DNAJA3: variants seen among roughly 807,000 people sequenced by gnomAD.
DNAJA3 encodes DnaJ heat shock protein family (Hsp40) member A3.
Under a neutral mutation model 54.9 loss-of-function variants are expected in DNAJA3, and 29 were observed. The observed-to-expected ratio is 0.53, with a 90% CI of 0.39 to 0.72. The LOEUF (loss-of-function observed/expected upper bound fraction) is 0.72, where lower values mean the gene tolerates loss of function less well. Among genes scored for constraint, DNAJA3 ranks in the 30% least tolerant of loss-of-function variants. DNAJA3 has a pLI of 0.00. For synonymous variants in DNAJA3, 302 were observed against 251.4 expected, an observed-to-expected ratio of 1.20 and a Z score of -1.90; for missense variants, 708 against 639.4, an observed-to-expected ratio of 1.11 and a Z score of -1.16.
At chr16:4,441,305 G>T (rs1378466441) in intron 3 of DNAJA3, 70 bp from the exon 4 acceptor site, 1 of 1,415,538 alleles carries the variant, frequency 7.1e-7, no homozygotes, top group Non-Finnish European at 9.7e-7. Flanking sequence ...CTTATTTGCT[G>T]TGAACTCTTG....
intron 1 of DNAJA3, chr16:4,431,713 G>A (rs897782123): frequency 1.3e-5 from 2 of 152,134 alleles, no homozygotes; most frequent in Admixed American, 1.3e-4. Flanking sequence ...AAGTAGCTGG[G>A]ATTACAGGCG....
chr16:4,456,246 C>T lies in DNAJA3; in HGVS notation c.*714C>T, dbSNP rs1196623396. The stretch of plus-strand genomic sequence containing the variant: ...CACCCCATCCGGGATGGCCGCCTGT[C>T]CCTGACTATTGAGTCCTGTTGTTGT... On this transcript the variant is annotated 3_prime_UTR_variant, in exon 12 of 12. Transcript: ENST00000262375. The T allele has an allele frequency of 6.5e-6, 1 of 152,782 alleles. No homozygotes were observed. The highest frequency in any genetic ancestry group is 1.5e-5 in the Non-Finnish European group (1 of 68,512). 9.5% of individuals were successfully genotyped at this position (152,782 alleles called of 1,614,324 possible).
intron 4 of DNAJA3, among the ~76,000 whole-genome samples, chr16:4,441,928 A>G (rs2056841394): frequency 6.6e-6 from 1 of 152,208 alleles, no homozygotes; most frequent in Non-Finnish European, 1.5e-5. Flanking sequence ...AGACACTGTC[A>G]GAGTGGAAGA....
At chr16:4,433,844 A>G (rs1032366839) in intron 1 of DNAJA3, 1 of 155,044 alleles carries the variant, frequency 6.4e-6, no homozygotes. Flanking sequence ...ATACTCTGAC[A>G]TAGTTTAATA....
intron 10 of DNAJA3, among the ~76,000 whole-genome samples, chr16:4,454,405 C>T (rs1169149983): frequency 6.6e-6 from 1 of 152,194 alleles, no homozygotes; most frequent in Non-Finnish European, 1.5e-5. Flanking sequence ...ACCCTGTAAC[C>T]TCTCTGTGCC....
At chr16:4,449,204 G>T (rs1317516548) in intron 9 of DNAJA3, among the ~76,000 whole-genome samples, 2 of 151,618 alleles carry the variant, frequency 1.3e-5, no homozygotes, top group Non-Finnish European at 2.9e-5. Context: ...CACCGTGTTA[G>T]CCAGAGTGGC....
chr16:4,445,245 C>T (rs1294913510), intron 7 of DNAJA3, among the ~76,000 whole-genome samples: 2 of 152,196 alleles, frequency 1.3e-5, no homozygotes, highest in Non-Finnish European at 2.9e-5. Context: ...AAGAGAATGG[C>T]TCAGTGAGCC....
rs527805684 is a variant in DNAJA3 at position 4,445,255 on chromosome 16, C to T, written c.996+527C>T. Among the ~76,000 whole-genome samples, 9 of 152,284 alleles carry T rather than the reference C, an allele frequency of 5.9e-5. No homozygotes were observed. The South Asian group carries it at 6.2e-4, about 11-fold the overall frequency. ...CCAACAAGAGAATGGCTCAGTGAGC[C>T]GTGGTGGTCAGAGGCTGCTGCAGGG... On this transcript the variant is annotated intron_variant, in intron 7 of 11. Coordinates refer to ENST00000262375, the MANE Select transcript of DNAJA3 (RefSeq NM_005147.6).
intron 1 of DNAJA3, among the ~76,000 whole-genome samples, chr16:4,428,765 G>C (rs1478322462): frequency 6.6e-6 from 1 of 152,182 alleles, no homozygotes; most frequent in Non-Finnish European, 1.5e-5. Flanking sequence ...TGGTTGGGCG[G>C]GGTGGCTCAC....
Position 4,434,481 on chromosome 16 carries a change from T to C in DNAJA3, c.309T>C (p.Asn103=). 1 of 1,614,040 alleles carries C rather than the reference T, an allele frequency of 6.2e-7. No individual in the cohort carries two copies. The change falls in exon 2 of 12, where the codon AAT becomes AAC. Residue 103 remains asparagine (N), a synonymous_variant. Transcript: ENST00000262375. ...ATCAGATATTAGGAGTGCCTCGAAA[T>C]GCCAGCCAGAAAGAGATCAAGAAAG... ...DYYQILGVPR[N]ASQKEIKKAY...
chr16:4,454,723 G>A lies in DNAJA3; in HGVS notation c.1340-88G>A, dbSNP rs576201129. On this transcript the variant is annotated intron_variant, in intron 10 of 11. Transcript: ENST00000262375. ...GCCGCTTCTTGAACGTGGGCCCCTG[G>A]GTGGCCAGGCGGGGGTAGGTGGGCC... is the stretch of plus-strand genomic sequence containing the variant. The A allele has an allele frequency of 4.6e-5, 44 of 951,326 alleles. No homozygotes were observed. In the African/African-American group the frequency reaches 6.6e-4, roughly 14 times the overall value. The allele number at this position is 951,326 out of a possible 1,614,324, so 58.9% of individuals were successfully genotyped here.
chr16:4,444,796 G>A, intron 7 of DNAJA3, 68 bp downstream of exon 7: 2 of 1,385,774 alleles, frequency 1.4e-6, no homozygotes, highest in Non-Finnish European at 2.0e-6. Flanking sequence ...GGCTGAGGCT[G>A]CTCCCATGTA....
chr16:4,444,000 T>G (rs1289653205), intron 6 of DNAJA3, among the ~76,000 whole-genome samples: 1 of 152,118 alleles, frequency 6.6e-6, no homozygotes, highest in East Asian at 1.9e-4. Context: ...TTACTGTTGT[T>G]TAGATGTCTG....
At chr16:4,453,903 A>G (rs1339135582) in intron 10 of DNAJA3, among the ~76,000 whole-genome samples, 1 of 152,190 alleles carries the variant, frequency 6.6e-6, no homozygotes, top group Non-Finnish European at 1.5e-5. Context: ...TGAGCACATT[A>G]AAAATGAGCT....
intron 9 of DNAJA3, among the ~76,000 whole-genome samples, chr16:4,449,253 C>T (rs1233459869): frequency 6.6e-6 from 1 of 152,240 alleles, no homozygotes; most frequent in African/African-American, 2.4e-5. Flanking sequence ...ACCTTGGCCT[C>T]CCAAAGTGTT....
intron 1 of DNAJA3, among the ~76,000 whole-genome samples, chr16:4,430,337 T>C (rs756066069): frequency 7.8e-4 from 118 of 151,484 alleles, no homozygotes; most frequent in African/African-American, 2.8e-3. Context: ...GGAGGTGGGT[T>C]GATCGCCTGA....
chr16:4,426,583 C>G (rs1439527452), intron 1 of DNAJA3, among the ~76,000 whole-genome samples: 3 of 152,208 alleles, frequency 2.0e-5, no homozygotes, highest in African/African-American at 7.2e-5. Flanking sequence ...TTGTCTCAAA[C>G]CCAAAGCAGT....
intron 7 of DNAJA3, among the ~76,000 whole-genome samples, chr16:4,446,222 A>T (rs1249132336): frequency 6.7e-6 from 1 of 149,406 alleles, no homozygotes; most frequent in African/African-American, 2.5e-5. Flanking sequence ...CGGCTGGCCT[A>T]TACTTTCTAA....
At position 4,443,152 on chromosome 16, in the gene DNAJA3, C is replaced by A; in HGVS notation, c.919C>A (p.Pro307Thr). Reference sequence around the variant, plus strand: ...CAAGCAGAAAAAGCGAGTGATGATCCCTGTGCCTGCAGGTGGGTGCTTGGG... The same window carrying A: ...CAAGCAGAAAAAGCGAGTGATGATCACTGTGCCTGCAGGTGGGTGCTTGGG... ...QAKQKKRVMI[P>T]VPAGVEDGQT... is the part of the protein sequence containing the mutation. Residue 307 changes from proline (P) to threonine (T), a missense_variant, in exon 6 of 12, where the codon CCT becomes ACT. Transcript: ENST00000262375. 1.2e-6 allele frequency: 2 copies of A among 1,613,866 alleles called. No homozygotes were observed. Among genetic ancestry groups the A allele is most frequent in the Non-Finnish European group, 1.7e-6 (2 of 1,179,976 alleles).
Sources: allele counts gnomAD v4.1 joint callset (sites outside exome capture counted in the v4.1 genomes callset), GRCh38; gene constraint gnomAD v4.1.1; transcripts MANE v1.5; gene names NCBI Gene and HGNC (gene_info 2026-07-23, HGNC 2026-07-21).